CEP72: variants seen among roughly 807,000 people sequenced by gnomAD.
CEP72 encodes the protein centrosomal protein of 72 kDa.
In CEP72, 78 loss-of-function variants were observed where a neutral mutation model predicts 65.7. The ratio of observed to expected loss-of-function variants is 1.19; its 90% CI spans 0.99 to 1.43. The LOEUF (loss-of-function observed/expected upper bound fraction) is 1.43. Ranked by LOEUF, CEP72 falls within the 40% of genes most tolerant of loss-of-function variation. CEP72 has a pLI of 0.00. For synonymous variants in CEP72, 358 were observed against 351.7 expected (o/e 1.02, Z -0.20); for missense variants, 914 against 832.9 (o/e 1.10, Z -1.20).
intron 7 of CEP72, among the ~76,000 whole-genome samples, chr5:638,080 G>A (rs1561048906): frequency 6.6e-6 from 1 of 152,234 alleles, no homozygotes; most frequent in Non-Finnish European, 1.5e-5. Flanking sequence ...ATCACACTTA[G>A]GGTTCCAGGG....
Position 624,686 on chromosome 5 carries a change from A to G in CEP72, c.512+107A>G. On this transcript the variant is annotated intron_variant, in intron 4 of 11. Transcript: ENST00000264935. This position sits in a 1 kb window ranked among gnomAD's most constrained non-coding sequence, Gnocchi z 4.7. The stretch of plus-strand genomic sequence containing the variant: ...TGTGCCGGTCACTCTCCAGGGGCGG[A>G]CACCAGGAGGGAGGAAGGGCAGAGC... 1.2e-6 allele frequency: 1 copy of G among 823,094 alleles called. No homozygotes were observed. Among genetic ancestry groups the G allele is most frequent in the Non-Finnish European group, 2.1e-6 (1 of 484,750 alleles). 51.0% of individuals were successfully genotyped at this position (823,094 alleles called of 1,614,324 possible).
chr5:644,867 G>A (rs1169301145), intron 10 of CEP72, among the ~76,000 whole-genome samples: 3 of 152,184 alleles, frequency 2.0e-5, no homozygotes, highest in African/African-American at 7.2e-5. Flanking sequence ...TGTCTCTCCC[G>A]AGCAGGCCTG....
chr5:664,999 C>T (rs1005127198), intron 2 of CEP72: 37 of 1,393,766 alleles, frequency 2.7e-5, no homozygotes, highest in Non-Finnish European at 3.3e-5. Context: ...CTGGGGCACC[C>T]GTCTGAGTTC....
the CEP72 span, among the ~76,000 whole-genome samples, chr5:675,141 G>GTTTGGCCAGGGGTGCAA: frequency 1.3e-4 from 7 of 52,896 alleles, no homozygotes; most frequent in African/African-American, 7.3e-4. Context: ...CAGGGGTGCA[G>GTTTGGCCAGGGGTGCAA]TGTGGCCAGG....
chr5:633,678 G>T, intron 4 of CEP72, 91 bp from the exon 5 acceptor site: 1 of 1,250,952 alleles, frequency 8.0e-7, no homozygotes, highest in Non-Finnish European at 1.1e-6. Flanking sequence ...TTCTCTCAGA[G>T]ACCGTGCAGG....
At position 628,847 on chromosome 5, in the gene CEP72, AGCGCCCTTCTTTGT is replaced by A. The variant is rs1435104197; in HGVS notation, c.512+4271_512+4284del. 1.4e-3 allele frequency among the ~76,000 whole-genome samples: 187 copies of A among 129,030 alleles called. No homozygotes were observed. In the East Asian group the frequency reaches 0.045, roughly 31 times the overall value. 84.6% of individuals were successfully genotyped at this position (129,030 alleles called of 152,430 possible). ...TCCCCAGGGAGTGGCCCCAGGACCC[AGCGCCCTTCTTTGT>A]GCAGCGTTCTGGAGAACTCAGGTTG... On this transcript the variant is annotated intron_variant, in intron 4 of 11. Transcript: ENST00000264935.
intron 9 of CEP72, chr5:641,593 A>C: frequency 3.1e-6 from 3 of 978,428 alleles, no homozygotes; most frequent in African/African-American, 1.8e-5. Flanking sequence ...CCCGCCTGGA[A>C]GCCTCTGCAC....
At chr5:641,034 CA>C in intron 9 of CEP72, 1 of 985,466 alleles carries the variant, frequency 1.0e-6, no homozygotes, top group Non-Finnish European at 1.2e-6. Context: ...CCAAAACCAG[CA>C]GCTGAAAACC....
At chr5:652,169 T>TG (rs933301101) in intron 11 of CEP72, among the ~76,000 whole-genome samples, 2 of 152,152 alleles carry the variant, frequency 1.3e-5, no homozygotes, top group Non-Finnish European at 2.9e-5. Flanking sequence ...AAGGTACAGT[T>TG]GGGGGTCATT....
chr5:652,971 T>A lies in CEP72; in HGVS notation c.1779-17T>A. 6.3e-7 allele frequency: 1 copy of A among 1,591,342 alleles called. No homozygotes were observed. Among genetic ancestry groups the A allele is most frequent in the Non-Finnish European group, 8.6e-7 (1 of 1,168,344 alleles). On this transcript the variant is annotated splice_polypyrimidine_tract_variant and intron_variant, in intron 11 of 11. Transcript: ENST00000264935. The stretch of plus-strand genomic sequence containing the variant: ...AGGACGGAAGTGCCAAGCAGCCGCT[T>A]CCCTGTTGTTCTGCAGCTCCCTGGT...
At chr5:675,034 AG>A in the CEP72 span, among the ~76,000 whole-genome samples, 1 of 23,582 alleles carries the variant, frequency 4.2e-5, no homozygotes, top group African/African-American at 1.8e-4. Context: ...GGGAGCAGTG[AG>A]GGGGGTACAG....
chr5:676,594 CA>C, the CEP72 span: 1 of 152,382 alleles, frequency 6.6e-6, no homozygotes, highest in South Asian at 2.1e-4. Flanking sequence ...GAAATAAAGC[CA>C]TTGCCACACA....
intron 2 of CEP72, chr5:663,910 C>T (rs1739789753): frequency 6.5e-6 from 1 of 152,688 alleles, no homozygotes; most frequent in African/African-American, 2.4e-5. Flanking sequence ...CCGTCAGCCT[C>T]CCCAGGAGGG....
At chr5:652,093 C>T (rs1032514161) in intron 11 of CEP72, among the ~76,000 whole-genome samples, 15 of 152,202 alleles carry the variant, frequency 9.9e-5, no homozygotes, top group Non-Finnish European at 1.9e-4. Context: ...GCCGCGGGTG[C>T]AGTGCCCAGT....
chr5:638,724 CTG>C (rs1040344095), intron 7 of CEP72, among the ~76,000 whole-genome samples: 2 of 152,294 alleles, frequency 1.3e-5, no homozygotes, highest in South Asian at 2.1e-4. Context: ...ACCAGCCTGA[CTG>C]TGGGTGCAGG....
intron 1 of CEP72, among the ~76,000 whole-genome samples, chr5:616,390 C>T (rs544966604): frequency 7.3e-5 from 11 of 151,676 alleles, no homozygotes; most frequent in Non-Finnish European, 1.5e-4. Context: ...TGTAATTGCT[C>T]ATTGAAGTAT....
chr5:633,176 T>C (rs1332063259), intron 4 of CEP72, among the ~76,000 whole-genome samples: 1 of 89,912 alleles, frequency 1.1e-5, no homozygotes, highest in African/African-American at 6.4e-5. Context: ...CCAGTCCTGG[T>C]GGGGTTCTGT....
At chr5:669,367 G>A (rs907492666), downstream of CEP72, among the ~76,000 whole-genome samples, 5 of 152,166 alleles carry the variant, frequency 3.3e-5, no homozygotes, top group South Asian at 2.1e-4. Context: ...CGCGCTCGGC[G>A]TGGACACCCG....
chr5:639,625 G>C (rs1737865919), intron 8 of CEP72, among the ~76,000 whole-genome samples: 1 of 152,220 alleles, frequency 6.6e-6, no homozygotes, highest in African/African-American at 2.4e-5. Context: ...CAGAGCTTTT[G>C]GTTGGTGTGG....
Sources: allele counts gnomAD v4.1 joint callset (sites outside exome capture counted in the v4.1 genomes callset), GRCh38; gene constraint gnomAD v4.1.1; non-coding constraint Gnocchi (gnomAD v3.1); transcripts MANE v1.5; gene names NCBI Gene and HGNC (gene_info 2026-07-23, HGNC 2026-07-21).